The following PTPRM variants were observed in gnomAD, a reference collection of about 807,000 sequenced individuals.
The protein encoded by PTPRM is receptor-type tyrosine-protein phosphatase mu.
Under a neutral mutation model 186.7 loss-of-function variants are expected in PTPRM, and 47 were observed. The observed-to-expected ratio is 0.25, with a 90% CI of 0.20 to 0.32. The LOEUF (loss-of-function observed/expected upper bound fraction) is 0.32, where lower values mean the gene tolerates loss of function less well. PTPRM is among the 10% of genes least tolerant of loss of function. The probability of loss-of-function intolerance (pLI) is 1.00; values close to 1 mark genes in which losing one functional copy is unlikely to be tolerated. For synonymous variants in PTPRM, 668 were observed against 674.9 expected (o/e 0.99, Z 0.16); for missense variants, 1,494 against 1,865.0 (o/e 0.80, Z 3.66).
rs146972314 is a variant in PTPRM at position 7,974,163 on chromosome 18, G to A, written c.1132+18749G>A. On this transcript the variant is annotated intron_variant, in intron 7 of 32. Coordinates refer to ENST00000580170, the MANE Select transcript of PTPRM (RefSeq NM_001105244.2). ...TAAAAAGGCAGCTGCTATGAAAGCC[G>A]AGTAGGCACAACTGAGTCACAGCTC... is the stretch of plus-strand genomic sequence containing the variant. Among the ~76,000 whole-genome samples, 24 of 152,256 alleles carry A rather than the reference G, an allele frequency of 1.6e-4. No individual in the cohort carries two copies. In the East Asian group the frequency reaches 4.4e-3, roughly 28 times the overall value.
rs146999092 is a variant in PTPRM at position 7,711,323 on chromosome 18, G to A, written c.74-62826G>A. Among the ~76,000 whole-genome samples, 419 of 152,274 alleles carry A rather than the reference G, an allele frequency of 2.8e-3. 1 individual carries two copies. The highest frequency in any genetic ancestry group is 9.6e-3 in the African/African-American group (400 of 41,568). On this transcript the variant is annotated intron_variant, in intron 1 of 32. Coordinates refer to ENST00000580170, the MANE Select transcript of PTPRM (RefSeq NM_001105244.2). ...GCCCAGATACTACGCTTTTCTCATC[G>A]TCTTCACAACCCACAGACCAGGATA...
At chr18:8,233,565 T>G (rs1376598745) in intron 14 of PTPRM, among the ~76,000 whole-genome samples, 1 of 152,182 alleles carries the variant, frequency 6.6e-6, no homozygotes, top group Non-Finnish European at 1.5e-5. Context: ...ACCAGTTCAT[T>G]ACCAGGTATG....
intron 5 of PTPRM, among the ~76,000 whole-genome samples, chr18:7,939,248 A>G (rs1458554970): frequency 6.6e-6 from 1 of 150,926 alleles, no homozygotes; most frequent in Non-Finnish European, 1.5e-5. Context: ...CCCCACCTGT[A>G]TGTCTGAGGA....
At chr18:7,790,044 G>A (rs376047864) in intron 2 of PTPRM, among the ~76,000 whole-genome samples, 12 of 152,248 alleles carry the variant, frequency 7.9e-5, no homozygotes, top group African/African-American at 2.6e-4. Flanking sequence ...ATGGAGACGT[G>A]GAATTCTTTG....
intron 5 of PTPRM, among the ~76,000 whole-genome samples, chr18:7,929,672 T>C (rs2051365820): frequency 6.6e-6 from 1 of 152,132 alleles, no homozygotes; most frequent in Non-Finnish European, 1.5e-5. Flanking sequence ...CCTGCAAGGG[T>C]GGTTTTTATT....
intron 1 of PTPRM, among the ~76,000 whole-genome samples, chr18:7,723,459 G>A (rs1411598129): frequency 1.3e-5 from 2 of 152,150 alleles, no homozygotes; most frequent in Non-Finnish European, 2.9e-5. Flanking sequence ...TAAGTACCTG[G>A]CTGGTGTGAG....
intron 2 of PTPRM, among the ~76,000 whole-genome samples, chr18:7,874,261 G>GT: frequency 6.6e-6 from 1 of 152,222 alleles, no homozygotes; most frequent in East Asian, 1.9e-4. Flanking sequence ...TTTTTCCTTT[G>GT]AAATCTATTT....
At chr18:8,018,332 T>A (rs958810638) in intron 7 of PTPRM, among the ~76,000 whole-genome samples, 4 of 152,218 alleles carry the variant, frequency 2.6e-5, no homozygotes, top group African/African-American at 9.6e-5. Flanking sequence ...TAGGAACCTT[T>A]TTAAATGCAG....
chr18:7,826,659 T>G (rs565278786), intron 2 of PTPRM, among the ~76,000 whole-genome samples: 44 of 152,372 alleles, frequency 2.9e-4, no homozygotes, highest in African/African-American at 1.0e-3. Flanking sequence ...AAAGTACCAT[T>G]TGTTCATCAT....
intron 9 of PTPRM, among the ~76,000 whole-genome samples, chr18:8,079,612 A>G (rs903725687): frequency 8.5e-5 from 13 of 152,152 alleles, no homozygotes; most frequent in African/African-American, 3.1e-4. Flanking sequence ...ATAAAATACC[A>G]TATGAGACTC....
At chr18:8,281,723 G>A (rs564559981) in intron 19 of PTPRM, among the ~76,000 whole-genome samples, 17 of 152,146 alleles carry the variant, frequency 1.1e-4, no homozygotes, top group African/African-American at 3.6e-4. Flanking sequence ...TTTGAAGAAG[G>A]CGTCTCCTAA....
At chr18:8,025,544 G>A (rs931756695) in intron 7 of PTPRM, among the ~76,000 whole-genome samples, 1 of 152,232 alleles carries the variant, frequency 6.6e-6, no homozygotes, top group South Asian at 2.1e-4. Flanking sequence ...GAAGGTGTTT[G>A]TTGATTCATT....
At chr18:7,689,149 A>AC (rs1568030926) in intron 1 of PTPRM, among the ~76,000 whole-genome samples, 1 of 151,944 alleles carries the variant, frequency 6.6e-6, no homozygotes, top group Non-Finnish European at 1.5e-5. Flanking sequence ...TAAATGAGAT[A>AC]TAAAGTAACT....
Position 8,336,260 on chromosome 18 carries a change from A to G in PTPRM, c.2957-7163A>G, listed in dbSNP as rs78770317. On this transcript the variant is annotated intron_variant, in intron 22 of 32. Coordinates refer to ENST00000580170, the MANE Select transcript of PTPRM (RefSeq NM_001105244.2). Reference sequence around the variant, plus strand: ...TTGAGATAGGTGGTTTTTCAAGTGTATGAAAGACTATTGTGAGGCTGGACA... The same window carrying G: ...TTGAGATAGGTGGTTTTTCAAGTGTGTGAAAGACTATTGTGAGGCTGGACA... 2.4e-3 allele frequency among the ~76,000 whole-genome samples: 372 copies of G among 152,126 alleles called. 3 individuals carry two copies. The highest frequency in any genetic ancestry group is 8.5e-3 in the African/African-American group (352 of 41,508).
rs534077764 is a variant in PTPRM at position 8,162,390 on chromosome 18, C to T, written c.2300+18611C>T. ...TGCTGGGATTATGGGCATGAGCTACCGCGCCTGGCCTAAATTAAATTTTGT... is the reference window on the plus strand; with the variant it reads ...TGCTGGGATTATGGGCATGAGCTACTGCGCCTGGCCTAAATTAAATTTTGT... On this transcript the variant is annotated intron_variant, in intron 14 of 32. Coordinates refer to ENST00000580170, the MANE Select transcript of PTPRM (RefSeq NM_001105244.2). 3.6e-4 allele frequency among the ~76,000 whole-genome samples: 55 copies of T among 152,302 alleles called. No individual in the cohort carries two copies. The Middle Eastern group carries it at 0.01, about 28-fold the overall frequency.
At position 7,907,233 on chromosome 18, in the gene PTPRM, C is replaced by A. The variant is rs549083453; in HGVS notation, c.547+650C>A. Among the ~76,000 whole-genome samples, 4 of 152,264 alleles carry A rather than the reference C, an allele frequency of 2.6e-5. No homozygotes were observed. The South Asian group carries it at 8.3e-4, about 32-fold the overall frequency. ...TTGCTAGATCTGTTTCTCCCCAAAC[C>A]CTGCCCCCCAGGGGCCACCACAGTG... On this transcript the variant is annotated intron_variant, in intron 4 of 32. Transcript: ENST00000580170.
At chr18:7,876,497 G>A (rs1389541027) in intron 2 of PTPRM, among the ~76,000 whole-genome samples, 1 of 152,138 alleles carries the variant, frequency 6.6e-6, no homozygotes, top group Non-Finnish European at 1.5e-5. Context: ...TTGGGGCTGG[G>A]CTCAGCTGAA....
chr18:7,917,731 T>C (rs564148535), intron 4 of PTPRM, among the ~76,000 whole-genome samples: 1 of 152,070 alleles, frequency 6.6e-6, no homozygotes, highest in East Asian at 1.9e-4. Flanking sequence ...TACAGTAGAT[T>C]TTGCAAACTG....
At chr18:7,599,362 G>A (rs1227563904) in intron 1 of PTPRM, among the ~76,000 whole-genome samples, 1 of 152,206 alleles carries the variant, frequency 6.6e-6, no homozygotes, top group Non-Finnish European at 1.5e-5. Flanking sequence ...AAGTTAGCAT[G>A]CAGATTACAC....
Sources: gnomAD v4.1 joint callset for allele counts (sites outside exome capture counted in the v4.1 genomes callset) on GRCh38, gnomAD v4.1.1 for gene constraint, MANE v1.5 for transcripts, NCBI Gene and HGNC (gene_info 2026-07-23, HGNC 2026-07-21) for gene names.